SLC25A48: variants seen among roughly 807,000 people sequenced by gnomAD.
SLC25A48 encodes CTC-321K16.1.
A neutral mutation model predicts 32.2 loss-of-function variants in SLC25A48; 29 were observed. The observed-to-expected ratio is 0.90, with a 90% CI of 0.67 to 1.23. The LOEUF (loss-of-function observed/expected upper bound fraction) is 1.23. SLC25A48 is among the 50% of genes most tolerant of loss of function. SLC25A48 has a pLI of 0.00. For synonymous variants in SLC25A48, 164 were observed against 172.3 expected, an observed-to-expected ratio of 0.95 and a Z score of 0.38; for missense variants, 399 against 422.7, an observed-to-expected ratio of 0.94 and a Z score of 0.49.
In SLC25A48 at chr5:135,874,831, G is replaced by T. The variant is rs565932861; in HGVS notation, c.813+677G>T. On this transcript the variant is annotated intron_variant, in intron 6 of 7. Coordinates refer to ENST00000681962, the MANE Select transcript of SLC25A48 (RefSeq NM_001349336.2). ...GTAATACACAGATTCATCACCCTCCGCAGGAACTATCCTGCTGGCTCTTGC... is the reference window on the plus strand; with the variant it reads ...GTAATACACAGATTCATCACCCTCCTCAGGAACTATCCTGCTGGCTCTTGC... 3 of 546,918 alleles carry T rather than the reference G, an allele frequency of 5.5e-6. No individual in the cohort carries two copies. The African/African-American group carries it at 5.9e-5, about 11-fold the overall frequency. 33.9% of individuals were successfully genotyped at this position (546,918 alleles called of 1,614,324 possible).
At chr5:135,657,625 G>A (rs1262179172) in intron 3 of SLC25A48, among the ~76,000 whole-genome samples, 1 of 152,120 alleles carries the variant, frequency 6.6e-6, no homozygotes, top group Non-Finnish European at 1.5e-5. Context: ...TCCTCATTTT[G>A]CAGAGTTCCC....
At chr5:135,719,504 T>TG (rs1006477410) in intron 3 of SLC25A48, among the ~76,000 whole-genome samples, 12 of 151,890 alleles carry the variant, frequency 7.9e-5, no homozygotes, top group African/African-American at 2.9e-4. Flanking sequence ...AGAGAGGTAG[T>TG]GGGGGGACAC....
At chr5:135,794,773 A>G (rs1439028527) in intron 3 of SLC25A48, among the ~76,000 whole-genome samples, 2 of 151,716 alleles carry the variant, frequency 1.3e-5, no homozygotes, top group African/African-American at 4.8e-5. Context: ...TGAAGAGATA[A>G]AAATACTCCC....
chr5:135,879,603 A>AGCGTGTGT (rs1401571630), intron 6 of SLC25A48, among the ~76,000 whole-genome samples: 1 of 130,054 alleles, frequency 7.7e-6, no homozygotes, highest in African/African-American at 3.7e-5. Context: ...AGAGAGAGAG[A>AGCGTGTGT]GAGAGAGAGT....
chr5:135,793,823 G>A (rs1340057644), intron 3 of SLC25A48, among the ~76,000 whole-genome samples: 1 of 151,642 alleles, frequency 6.6e-6, no homozygotes, highest in Non-Finnish European at 1.5e-5. Flanking sequence ...TTTACGCCAT[G>A]TGTGTACACT....
At chr5:135,874,656 G>A in intron 6 of SLC25A48, 1 of 700,170 alleles carries the variant, frequency 1.4e-6, no homozygotes, top group Non-Finnish European at 2.6e-6. Context: ...TCTGGTCGTG[G>A]CTGAGGAGGC....
At chr5:135,705,227 G>A (rs549149099) in intron 3 of SLC25A48, among the ~76,000 whole-genome samples, 58 of 152,322 alleles carry the variant, frequency 3.8e-4, no homozygotes, top group African/African-American at 1.4e-3. Flanking sequence ...CTCACAGAGA[G>A]CAGTGGCCCT....
intron 3 of SLC25A48, among the ~76,000 whole-genome samples, chr5:135,772,725 C>A (rs547761205): frequency 6.6e-6 from 1 of 151,670 alleles, no homozygotes; most frequent in East Asian, 1.9e-4. Flanking sequence ...GATAATATTA[C>A]TCTCAATATC....
intron 4 of SLC25A48, among the ~76,000 whole-genome samples, chr5:135,867,494 G>T (rs1016158102): frequency 6.6e-6 from 1 of 152,124 alleles, no homozygotes; most frequent in African/African-American, 2.4e-5. Flanking sequence ...ATCTGCTGAG[G>T]CTCCTGGCAA....
intron 3 of SLC25A48, among the ~76,000 whole-genome samples, chr5:135,700,636 T>A (rs1754373488): frequency 6.6e-6 from 1 of 152,106 alleles, no homozygotes; most frequent in Non-Finnish European, 1.5e-5. Context: ...GGCCCAGGCT[T>A]AGGTTTTATA....
chr5:135,841,965 T>C (rs998558231), intron 1 of SLC25A48, among the ~76,000 whole-genome samples: 1 of 152,220 alleles, frequency 6.6e-6, no homozygotes, highest in African/African-American at 2.4e-5. Context: ...TATATTTTGG[T>C]ATGGCATGTC....
intron 3 of SLC25A48, among the ~76,000 whole-genome samples, 163 bp from the exon 4 acceptor site, chr5:135,852,400 C>T (rs1324798676): frequency 6.6e-6 from 1 of 152,238 alleles, no homozygotes; most frequent in African/African-American, 2.4e-5. Context: ...ATGCCTGCCC[C>T]TGAGTGGTTC....
chr5:135,862,661 C>G (rs1328600552), intron 4 of SLC25A48, among the ~76,000 whole-genome samples: 1 of 152,134 alleles, frequency 6.6e-6, no homozygotes, highest in African/African-American at 2.4e-5. Context: ...AAGGAAGAGG[C>G]TGTTGATCGG....
rs369673589 is a variant in SLC25A48, at chr5:135,586,568, G to T, written c.-849+6971G>T. 2.2e-4 allele frequency among the ~76,000 whole-genome samples: 33 copies of T among 152,272 alleles called. No individual in the cohort carries two copies. In the East Asian group the frequency reaches 5.8e-3, roughly 27 times the overall value. ...TCTGGGTCTGCCATGGGCGGAATGT[G>T]GGGAGAGAAAGGCTAGGCACACTGC... On this transcript the variant is annotated intron_variant, in intron 1 of 10. Coordinates refer to the SLC25A48 transcript ENST00000646290.
chr5:135,883,113 T>C, intron 7 of SLC25A48: 7 of 985,452 alleles, frequency 7.1e-6, no homozygotes, highest in Non-Finnish European at 8.4e-6. Flanking sequence ...GAACCCATGA[T>C]GTGAATTTAC....
intron 3 of SLC25A48, among the ~76,000 whole-genome samples, chr5:135,740,670 CA>C (rs1755479489): frequency 1.3e-5 from 2 of 152,164 alleles, no homozygotes; most frequent in Non-Finnish European, 2.9e-5. Context: ...ACAGGTGTCT[CA>C]CAACCCAGCC....
chr5:135,757,587 A>G (rs1296101938), intron 3 of SLC25A48, among the ~76,000 whole-genome samples: 1 of 149,620 alleles, frequency 6.7e-6, no homozygotes, highest in African/African-American at 2.4e-5. Flanking sequence ...TGTTATTACT[A>G]TATTAATAAA....
chr5:135,861,457 G>A (rs531510753), intron 4 of SLC25A48, among the ~76,000 whole-genome samples: 14 of 152,194 alleles, frequency 9.2e-5, no homozygotes, highest in Non-Finnish European at 1.5e-4. Context: ...ATGTCACCAA[G>A]CCTCAGTTAA....
At chr5:135,624,880 C>T (rs915536082) in intron 1 of SLC25A48, among the ~76,000 whole-genome samples, 2 of 152,296 alleles carry the variant, frequency 1.3e-5, no homozygotes, top group Non-Finnish European at 2.9e-5. Flanking sequence ...CGATCCCAAT[C>T]TGGTGACAAA....
Sources: gnomAD v4.1 joint callset for allele counts (sites outside exome capture counted in the v4.1 genomes callset) on GRCh38, gnomAD v4.1.1 for gene constraint, MANE v1.5 for transcripts, NCBI Gene and HGNC (gene_info 2026-07-23, HGNC 2026-07-21) for gene names.